ANKS1B: variants seen among roughly 807,000 people sequenced by gnomAD.
The protein encoded by ANKS1B is ankyrin repeat and sterile alpha motif domain-containing protein 1B.
In ANKS1B, 36 loss-of-function variants were observed where a neutral mutation model predicts 148.3. That is an observed-to-expected ratio of 0.24 (90% CI 0.19 to 0.32). The LOEUF (loss-of-function observed/expected upper bound fraction) is 0.32. Ranked by LOEUF, ANKS1B falls within the 10% of genes least tolerant of loss-of-function variation. The pLI, the probability that ANKS1B is intolerant of heterozygous loss-of-function variation, is 1.00. For synonymous variants in ANKS1B, 542 were observed against 560.8 expected, an observed-to-expected ratio of 0.97 and a Z score of 0.47; for missense variants, 1,157 against 1,542.6, an observed-to-expected ratio of 0.75 and a Z score of 4.19.
chr12:99,857,429 G>A (rs1283306579), intron 1 of ANKS1B, among the ~76,000 whole-genome samples: 1 of 152,108 alleles, frequency 6.6e-6, no homozygotes, highest in Non-Finnish European at 1.5e-5. Context: ...GTCATGGATG[G>A]GTAGAATCAA....
intron 17 of ANKS1B, among the ~76,000 whole-genome samples, chr12:98,843,261 TTC>T (rs1242793370): frequency 6.6e-6 from 1 of 152,226 alleles, no homozygotes; most frequent in Non-Finnish European, 1.5e-5. Context: ...ACTTATGCCA[TTC>T]TCTCAGGAGT....
chr12:99,648,913 C>A, intron 9 of ANKS1B: 1 of 1,325,376 alleles, frequency 7.5e-7, no homozygotes, highest in East Asian at 2.5e-5. Flanking sequence ...GTCTGAAGGC[C>A]AAATGAGCTT....
chr12:99,422,442 T>C (rs765508083), intron 11 of ANKS1B, among the ~76,000 whole-genome samples: 12 of 152,196 alleles, frequency 7.9e-5, no homozygotes, highest in Non-Finnish European at 1.6e-4. Flanking sequence ...TAACCAGGGA[T>C]CTAACCTAAT....
intron 1 of ANKS1B, among the ~76,000 whole-genome samples, chr12:99,844,779 A>T (rs2086357676): frequency 2.6e-5 from 4 of 152,144 alleles, no homozygotes; most frequent in Non-Finnish European, 5.9e-5. Flanking sequence ...GAAGAATGTC[A>T]ATGGTAGTTT....
intron 8 of ANKS1B, among the ~76,000 whole-genome samples, chr12:99,665,660 G>A (rs561686444): frequency 6.6e-6 from 1 of 152,036 alleles, no homozygotes; most frequent in African/African-American, 2.4e-5. Context: ...CTAATTTTTT[G>A]TATTTTTAGT....
At chr12:99,717,278 C>T (rs1238743383) in intron 8 of ANKS1B, among the ~76,000 whole-genome samples, 1 of 152,180 alleles carries the variant, frequency 6.6e-6, no homozygotes, top group Non-Finnish European at 1.5e-5. Context: ...TAATTAACCT[C>T]TCCTTCAAGG....
At chr12:98,922,727 G>A (rs886202093) in intron 17 of ANKS1B, among the ~76,000 whole-genome samples, 2 of 152,074 alleles carry the variant, frequency 1.3e-5, no homozygotes, top group South Asian at 2.1e-4. Context: ...TTGAACTCCC[G>A]ACCTCAGGCG....
rs140856498 is a variant in ANKS1B, at chr12:98,895,096, G to A, written c.2779-62960C>T. 9.2e-6 allele frequency: 9 copies of A among 981,038 alleles called. No homozygotes were observed. In the African/African-American group the frequency reaches 1.1e-4, roughly 11 times the overall value. The allele number at this position is 981,038 out of a possible 1,614,324, so 60.8% of individuals were successfully genotyped here. A position where few individuals can be genotyped will look rare whatever the true frequency, so the allele number is the denominator to read the frequency against. ...CTGCCCGGGGTGGGCGGCGAGGCGG[G>A]GGGGAGGTGTCGGCTTGGCCGCCGG... On this transcript the variant is annotated intron_variant, in intron 17 of 26. Coordinates refer to ENST00000683438, the MANE Select transcript of ANKS1B (RefSeq NM_001352186.2).
intron 12 of ANKS1B, among the ~76,000 whole-genome samples, chr12:99,316,906 G>T (rs1160878300): frequency 6.6e-6 from 1 of 152,130 alleles, no homozygotes; most frequent in African/African-American, 2.4e-5. Flanking sequence ...AGTTTTCCCA[G>T]CACCATTTAT....
At chr12:99,069,385 G>A (rs2045576945) in intron 16 of ANKS1B, among the ~76,000 whole-genome samples, 1 of 152,084 alleles carries the variant, frequency 6.6e-6, no homozygotes, top group Non-Finnish European at 1.5e-5. Flanking sequence ...GTACATCTGT[G>A]GGGAAAATTT....
rs1005902461 is a variant in ANKS1B at position 99,161,904 on chromosome 12, C to T, written c.2420-7509G>A. Among the ~76,000 whole-genome samples the T allele has an allele frequency of 5.9e-4, 89 of 152,110 alleles. 1 individual carries two copies. Among genetic ancestry groups the T allele is most frequent in the African/African-American group, 1.6e-3 (68 of 41,504 alleles). On this transcript the variant is annotated intron_variant, in intron 14 of 26. Coordinates refer to ENST00000683438, the MANE Select transcript of ANKS1B (RefSeq NM_001352186.2). ...GAGCCCTGCTATAACCACTGCCATC[C>T]CAAAACTGTGCAGATGGCCAAGGCT...
At chr12:99,200,281 A>C (rs988662895) in intron 14 of ANKS1B, among the ~76,000 whole-genome samples, 39 of 152,218 alleles carry the variant, frequency 2.6e-4, no homozygotes, top group African/African-American at 9.4e-4. Context: ...TATGATTTTG[A>C]GAAAACATTT....
intron 9 of ANKS1B, among the ~76,000 whole-genome samples, chr12:99,632,739 A>ATATATATATATC: frequency 1.8e-5 from 1 of 55,878 alleles, no homozygotes; most frequent in Non-Finnish European, 3.5e-5. Flanking sequence ...ATATATATAT[A>ATATATATATATC]TATATATATA....
intron 17 of ANKS1B, among the ~76,000 whole-genome samples, chr12:98,946,093 A>G (rs1428386329): frequency 2.0e-5 from 3 of 152,168 alleles, no homozygotes; most frequent in Non-Finnish European, 4.4e-5. Flanking sequence ...GTTGCATGTC[A>G]TTCCCCTGGC....
At chr12:98,859,183 C>T (rs7960522) in intron 17 of ANKS1B, among the ~76,000 whole-genome samples, 16,388 of 152,180 alleles carry the variant, frequency 0.11, 1,181 homozygotes, top group East Asian at 0.21. Context: ...TCTGACCCTA[C>T]AGCTAAGAAT....
chr12:99,784,098 C>T (rs183867458), intron 4 of ANKS1B, among the ~76,000 whole-genome samples: 4 of 151,908 alleles, frequency 2.6e-5, no homozygotes, highest in South Asian at 2.1e-4. Flanking sequence ...CTTTCCTCTC[C>T]GTCCCATCCT....
intron 1 of ANKS1B, among the ~76,000 whole-genome samples, chr12:99,856,069 GA>G (rs758634789): frequency 1.8e-4 from 28 of 151,878 alleles, no homozygotes; most frequent in East Asian, 1.7e-3. Context: ...GGTCAGAGCA[GA>G]ACTAAATGAA....
intron 17 of ANKS1B, among the ~76,000 whole-genome samples, chr12:98,967,559 G>A (rs976666742): frequency 6.7e-6 from 1 of 150,186 alleles, no homozygotes; most frequent in Non-Finnish European, 1.5e-5. Flanking sequence ...CCTGGCCAGT[G>A]GTTTTCCTTT....
At chr12:98,840,005 C>T (rs541848416) in intron 17 of ANKS1B, among the ~76,000 whole-genome samples, 1 of 152,226 alleles carries the variant, frequency 6.6e-6, no homozygotes, top group East Asian at 1.9e-4. Context: ...ATCTCAGGGT[C>T]CCTGAATGCA....
Sources: gnomAD v4.1 joint callset for allele counts (sites outside exome capture counted in the v4.1 genomes callset) on GRCh38, gnomAD v4.1.1 for gene constraint, MANE v1.5 for transcripts, NCBI Gene and HGNC (gene_info 2026-07-23, HGNC 2026-07-21) for gene names.